TTC23: variants seen among roughly 807,000 people sequenced by gnomAD.
TTC23 encodes the protein tetratricopeptide repeat protein 23.
Under a neutral mutation model 55.1 loss-of-function variants are expected in TTC23, and 58 were observed. The ratio of observed to expected loss-of-function variants is 1.05; its 90% CI spans 0.85 to 1.31. The LOEUF (loss-of-function observed/expected upper bound fraction) is 1.31, where lower values mean the gene tolerates loss of function less well. Among genes scored for constraint, TTC23 ranks in the 50% most tolerant of loss-of-function variants. TTC23 has a pLI of 0.00. For synonymous variants in TTC23, 203 were observed against 199.9 expected (o/e 1.02, Z -0.13); for missense variants, 516 against 534.4 (o/e 0.97, Z 0.34).
intron 6 of TTC23, among the ~76,000 whole-genome samples, 181 bp downstream of exon 6, chr15:99,221,560 T>C (rs1015671023): frequency 1.3e-5 from 2 of 152,242 alleles, no homozygotes; most frequent in Non-Finnish European, 2.9e-5. Flanking sequence ...TTTTCCATTT[T>C]TCCCCTTTGA....
rs574480844 is a variant in TTC23, at chr15:99,165,074, G to T, written c.866-3207C>A. Among the ~76,000 whole-genome samples, 3 of 152,366 alleles carry T rather than the reference G, an allele frequency of 2.0e-5. No individual in the cohort carries two copies. In the South Asian group the frequency reaches 6.2e-4, roughly 32 times the overall value. ...TAAATGATAACAGGACTGACATACAGTTGGTGCTCAATAAATGTTGATGAT... is the reference window on the plus strand; with the variant it reads ...TAAATGATAACAGGACTGACATACATTTGGTGCTCAATAAATGTTGATGAT... On this transcript the variant is annotated intron_variant, in intron 10 of 13. Coordinates refer to ENST00000394132, the MANE Select transcript of TTC23 (RefSeq NM_001288615.3).
At chr15:99,245,071 T>C (rs1264948455) in intron 2 of TTC23, among the ~76,000 whole-genome samples, 10 of 152,198 alleles carry the variant, frequency 6.6e-5, no homozygotes, top group Non-Finnish European at 7.3e-5. Context: ...GCTAGCTCTA[T>C]TGTGGGAATC....
intron 10 of TTC23, among the ~76,000 whole-genome samples, chr15:99,165,062 G>T (rs1204634313): frequency 1.3e-5 from 2 of 152,184 alleles, no homozygotes; most frequent in Non-Finnish European, 2.9e-5. Context: ...ATGATAACAG[G>T]ACTGACATAC....
intron 9 of TTC23, among the ~76,000 whole-genome samples, chr15:99,175,530 C>T (rs2073448196): frequency 6.6e-6 from 1 of 152,234 alleles, no homozygotes; most frequent in Non-Finnish European, 1.5e-5. Flanking sequence ...GCCTACCCGC[C>T]AGCCCCAAAA....
At chr15:99,187,618 G>A (rs2074847723) in intron 9 of TTC23, among the ~76,000 whole-genome samples, 1 of 151,896 alleles carries the variant, frequency 6.6e-6, no homozygotes, top group Non-Finnish European at 1.5e-5. Context: ...TCCAGAATAT[G>A]TAAATAACTA....
At chr15:99,228,215 A>T (rs1288300398) in intron 5 of TTC23, among the ~76,000 whole-genome samples, 1 of 152,228 alleles carries the variant, frequency 6.6e-6, no homozygotes, top group Non-Finnish European at 1.5e-5. Context: ...GCATGCAGAG[A>T]ACAAGATTTG....
chr15:99,153,828 T>G (rs2070171210), intron 12 of TTC23, among the ~76,000 whole-genome samples: 1 of 152,016 alleles, frequency 6.6e-6, no homozygotes, highest in South Asian at 2.1e-4. Context: ...TTGAAAAAAT[T>G]AACACAATAG....
chr15:99,143,859 G>A (rs1259256997), intron 12 of TTC23, among the ~76,000 whole-genome samples: 2 of 152,168 alleles, frequency 1.3e-5, no homozygotes, highest in East Asian at 1.9e-4. Context: ...CACACAAGCC[G>A]ATGCAGCAGT....
At position 99,235,496 on chromosome 15, in the gene TTC23, G is replaced by A. The variant is rs370472760; in HGVS notation, c.-113-416C>T. 7.9e-5 allele frequency among the ~76,000 whole-genome samples: 12 copies of A among 151,668 alleles called. No individual in the cohort carries two copies. The South Asian group carries it at 1.2e-3, about 16-fold the overall frequency. On this transcript the variant is annotated intron_variant, in intron 3 of 13. Transcript: ENST00000394132. Reference sequence around the variant, plus strand: ...AGCGATTCCCCTGCCTCAGCCTCCCGAGTAGCTGGGACTACAGGCACACAC... The same window carrying A: ...AGCGATTCCCCTGCCTCAGCCTCCCAAGTAGCTGGGACTACAGGCACACAC...
At chr15:99,231,946 C>T (rs1291268352) in intron 4 of TTC23, among the ~76,000 whole-genome samples, 1 of 151,836 alleles carries the variant, frequency 6.6e-6, no homozygotes, top group African/African-American at 2.4e-5. Context: ...GCATGCGCCA[C>T]CATGCCTGGC....
intron 9 of TTC23, among the ~76,000 whole-genome samples, chr15:99,187,452 C>CAAAAAAAAAAAAAAAAGAAAAAA (rs66568931): frequency 4.5e-5 from 2 of 44,500 alleles, no homozygotes; most frequent in Non-Finnish European, 8.0e-5. Context: ...AAAGCACAAG[C>CAAAAAAAAAAAAAAAAGAAAAAA]AAAAAAAAAA....
At chr15:99,199,250 C>T (rs919345643) in intron 9 of TTC23, among the ~76,000 whole-genome samples, 1 of 151,894 alleles carries the variant, frequency 6.6e-6, no homozygotes, top group Non-Finnish European at 1.5e-5. Flanking sequence ...CCAGACTTAA[C>T]AGCCCCTTAA....
At chr15:99,226,703 C>T (rs1020009094) in intron 5 of TTC23, among the ~76,000 whole-genome samples, 1 of 152,086 alleles carries the variant, frequency 6.6e-6, no homozygotes, top group Non-Finnish European at 1.5e-5. Flanking sequence ...TGTGCTGTTT[C>T]CTCTCCCTGG....
intron 9 of TTC23, 131 bp downstream of exon 9, chr15:99,199,788 C>T (rs2076051240): frequency 6.7e-6 from 6 of 900,544 alleles, no homozygotes; most frequent in Middle Eastern, 2.9e-4. Context: ...TGAGCATCTA[C>T]TCTAGGCCAA....
chr15:99,174,620 T>G (rs62025665), intron 10 of TTC23, among the ~76,000 whole-genome samples: 1 of 152,212 alleles, frequency 6.6e-6, no homozygotes, highest in Non-Finnish European at 1.5e-5. Flanking sequence ...GCAACTTCCT[T>G]TTGGAATCCT....
chr15:99,212,196 T>C (rs1462122401), intron 8 of TTC23, among the ~76,000 whole-genome samples: 4 of 152,122 alleles, frequency 2.6e-5, no homozygotes, highest in Non-Finnish European at 4.4e-5. Context: ...GAAAATCACA[T>C]GTTCTGGAGC....
In TTC23 at chr15:99,138,074, A is replaced by G; in HGVS notation, c.1280T>C (p.Phe427Ser). 6.2e-7 allele frequency: 1 copy of G among 1,613,796 alleles called. No homozygotes were observed. The highest frequency in any genetic ancestry group is 8.5e-7 in the Non-Finnish European group (1 of 1,179,986). Residue 427 changes from phenylalanine to serine, a missense_variant, in exon 14 of 14, where the codon TTC becomes TCC. Transcript: ENST00000394132. ...GGTGTCCTGAGGGATGCTGGTGCAG[A>G]AGGCCACTTTGGCTTTTGATGCCTG... is the stretch of plus-strand genomic sequence containing the variant. The part of the protein sequence containing the change: ...PRQASKAKVA[F>S]CTSIPQDTLL...
intron 4 of TTC23, among the ~76,000 whole-genome samples, chr15:99,230,231 A>G (rs973958459): frequency 6.6e-5 from 10 of 152,204 alleles, no homozygotes; most frequent in African/African-American, 2.2e-4. Context: ...TTCTAGATAG[A>G]AAAATTATGT....
intron 12 of TTC23, among the ~76,000 whole-genome samples, chr15:99,152,761 C>T (rs2069987052): frequency 6.6e-6 from 1 of 152,098 alleles, no homozygotes; most frequent in Admixed American, 6.5e-5. Context: ...ATACACGAAT[C>T]ACTTAACATG....
Sources: gnomAD v4.1 joint callset for allele counts (sites outside exome capture counted in the v4.1 genomes callset) on GRCh38, gnomAD v4.1.1 for gene constraint, MANE v1.5 for transcripts, NCBI Gene and HGNC (gene_info 2026-07-23, HGNC 2026-07-21) for gene names.